RYR1: variants seen among roughly 807,000 people sequenced by gnomAD.
The protein encoded by RYR1 is central core disease of muscle.
RYR1 carries 342 observed loss-of-function variants against 583.5 expected under a neutral mutation model. That is an observed-to-expected ratio of 0.59 (90% CI 0.54 to 0.64). The LOEUF is 0.64. Among genes scored for constraint, RYR1 ranks in the 30% least tolerant of loss-of-function variants. The pLI, the probability that RYR1 is intolerant of heterozygous loss-of-function variation, is 0.00. For missense variants in RYR1, 6,032 were observed against 6,917.2 expected, an observed-to-expected ratio of 0.87 and a Z score of 4.54; for synonymous variants, 2,791 against 2,822.5, an observed-to-expected ratio of 0.99 and a Z score of 0.35.
rs528895929 is a variant in RYR1 at position 38,586,321 on chromosome 19, A to G, written c.14969+130A>G. ...ATGTGGGCAGATTCCCTGCCAGCCAATCAGAAGGTAAGGGTGGGGCCCCGC... is the reference window on the plus strand; with the variant it reads ...ATGTGGGCAGATTCCCTGCCAGCCAGTCAGAAGGTAAGGGTGGGGCCCCGC... On this transcript the variant is annotated intron_variant, in intron 104 of 105. Coordinates refer to ENST00000359596, the MANE Select transcript of RYR1 (RefSeq NM_000540.3). The G allele has an allele frequency of 9.2e-5, 104 of 1,126,468 alleles. No homozygotes were observed. In the African/African-American group the frequency reaches 1.4e-3, roughly 15 times the overall value. The allele number at this position is 1,126,468 out of a possible 1,614,324, so 69.8% of individuals were successfully genotyped here. A position where few individuals can be genotyped will look rare whatever the true frequency, so the allele number is the denominator to read the frequency against.
intron 35 of RYR1, among the ~76,000 whole-genome samples, chr19:38,489,661 C>T (rs953930142): frequency 1.3e-5 from 2 of 152,190 alleles, no homozygotes; most frequent in African/African-American, 4.8e-5. Context: ...CAGAATTTTG[C>T]TCTGTCACCC....
At chr19:38,542,018 A>G (rs1249101029) in intron 84 of RYR1, among the ~76,000 whole-genome samples, 2 of 149,362 alleles carry the variant, frequency 1.3e-5, no homozygotes, top group Admixed American at 1.3e-4. Context: ...GCAGTGAGCT[A>G]TGATCATGCC....
chr19:38,472,850 A>G, intron 27 of RYR1, among the ~76,000 whole-genome samples: 1 of 151,328 alleles, frequency 6.6e-6, no homozygotes, highest in Non-Finnish European at 1.5e-5. Flanking sequence ...AAAAAAAAAA[A>G]AAAAAAAGAA....
Position 38,443,796 on chromosome 19 carries a change from G to C in RYR1, c.424G>C (p.Gly142Arg). Residue 142 changes from glycine to arginine, a missense_variant and splice_region_variant, in exon 5 of 106, where the codon GGA becomes CGA. Physicochemically the swap from Gly to Arg is moderately radical, Grantham distance 125. Coordinates refer to ENST00000359596, the MANE Select transcript of RYR1 (RefSeq NM_000540.3). ...FDVGLQEDATGEACWWTMHPA... is the reference protein window; with the variant it reads ...FDVGLQEDATREACWWTMHPA... ...TGTGGGACTGCAGGAGGACGCAACA[G>C]GTGCAGCAGCTGGAGGGGATGGGGG... is the stretch of plus-strand genomic sequence containing the variant. The C allele has an allele frequency of 6.2e-7, 1 of 1,614,130 alleles. No homozygotes were observed. Among genetic ancestry groups the C allele is most frequent in the Non-Finnish European group, 8.5e-7 (1 of 1,179,986 alleles).
At chr19:38,468,883 T>C in intron 25 of RYR1, 83 bp from the exon 26 acceptor site, 2 of 1,431,680 alleles carry the variant, frequency 1.4e-6, no homozygotes. Context: ...TCTGTCTTCA[T>C]ATATCTCTCC....
intron 1 of RYR1, among the ~76,000 whole-genome samples, chr19:38,439,675 T>G (rs1972583324): frequency 6.6e-6 from 1 of 151,064 alleles, no homozygotes; most frequent in Non-Finnish European, 1.5e-5. Flanking sequence ...CCCCGCTAAT[T>G]TTTGTATTTT....
In RYR1 at chr19:38,504,813, C is replaced by T. The variant is rs1293704566; in HGVS notation, c.8133C>T (p.Pro2711=). The change falls in exon 51 of 106, where the codon CCC becomes CCT. Residue 2711 remains proline (P), a synonymous_variant. Transcript: ENST00000359596. ...TGTGCGCCATTGCCGGGGCTCTGCCCCCCGACTATGTGGATGCCTCATACT... is the reference window on the plus strand; with the variant it reads ...TGTGCGCCATTGCCGGGGCTCTGCCTCCCGACTATGTGGATGCCTCATACT... ...PCLCAIAGAL[P]PDYVDASYSS... 8 of 1,614,044 alleles carry T rather than the reference C, an allele frequency of 5.0e-6. No individual in the cohort carries two copies. The highest frequency in any genetic ancestry group is 2.2e-5 in the South Asian group (2 of 91,092).
At chr19:38,486,364 G>C (rs1348449116) in intron 34 of RYR1, among the ~76,000 whole-genome samples, 162 bp downstream of exon 34, 1 of 150,854 alleles carries the variant, frequency 6.6e-6, no homozygotes, top group East Asian at 2.0e-4. Flanking sequence ...TTATTTTTTC[G>C]AGACGGAGTC....
chr19:38,468,086 ATCC>A (rs1170132449), intron 25 of RYR1, among the ~76,000 whole-genome samples: 17 of 148,026 alleles, frequency 1.1e-4, no homozygotes, highest in Admixed American at 4.1e-4. Flanking sequence ...CCATCCATCC[ATCC>A]ATCCAACCAT....
rs750951875 is a variant in RYR1, at chr19:38,499,646, G to A, written c.7039G>A (p.Glu2347Lys). Residue 2347 changes from glutamate to lysine, a missense_variant, in exon 44 of 106, where the codon GAG becomes AAG. By Grantham distance (56) the Glu-to-Lys change is moderately conservative. Around this residue, in one of 11 missense-constraint regions of RYR1, gnomAD observed 2,627 missense variants for 2,961.3 expected, o/e 0.89. Coordinates refer to ENST00000359596, the MANE Select transcript of RYR1 (RefSeq NM_000540.3). This position sits in a 1 kb window ranked among gnomAD's most constrained non-coding sequence, Gnocchi z 7.3. ...ATGCGGGTGGCCAGGCGAGAGCGTG[G>A]AGGAGAACGCCAATGTGGTGGTGCG... ...FAVFVNGESVEENANVVVRLL... is the reference protein window; with the variant it reads ...FAVFVNGESVKENANVVVRLL... 6.9e-6 allele frequency: 11 copies of A among 1,597,998 alleles called. No individual in the cohort carries two copies. The Admixed American group carries it at 1.7e-4, about 24-fold the overall frequency.
intron 39 of RYR1, among the ~76,000 whole-genome samples, chr19:38,494,848 C>T (rs1022466881): frequency 9.9e-5 from 14 of 141,962 alleles, no homozygotes; most frequent in Non-Finnish European, 1.5e-5. Flanking sequence ...ATTCCCCACC[C>T]CCCCCTTTTT....
rs573322113 is a variant in RYR1, at chr19:38,535,392, G to T, written c.11516G>T (p.Ser3839Ile). 6.2e-7 allele frequency: 1 copy of T among 1,612,940 alleles called. No homozygotes were observed. Among genetic ancestry groups the T allele is most frequent in the African/African-American group, 1.3e-5 (1 of 75,010 alleles). ...QSIQALMQTC[S>I]VLDLNAFERQ... ...ATCCAGGCACTGATGCAAACATGCA[G>T]GTAGGTTCGAGTGGACCTCTTCTTG... Residue 3839 changes from serine (S) to isoleucine (I), a missense_variant and splice_region_variant, in exon 81 of 106, where the codon AGC (serine) becomes ATC (isoleucine). Physicochemically the swap from Ser to Ile is moderately radical, Grantham distance 142. Transcript: ENST00000359596.
rs1453367039 is a variant in RYR1 at position 38,543,415 on chromosome 19, G to T, written c.11758G>T (p.Asp3920Tyr). ...TATTAACATCATCATTTGCACTGTG[G>T]ACTACCTCCTGCGGCTGCAGGTGAG... ...TTINIIICTV[D>Y]YLLRLQESIS... Residue 3920 changes from aspartate to tyrosine, a missense_variant, in exon 85 of 106, where the codon GAC becomes TAC. Around this residue, in one of 11 missense-constraint regions of RYR1, gnomAD observed 1,493 missense variants for 1,715.5 expected, o/e 0.87. Transcript: ENST00000359596. This position sits in a 1 kb window ranked among gnomAD's most constrained non-coding sequence, Gnocchi z 4.4. 1 of 1,614,210 alleles carries T rather than the reference G, an allele frequency of 6.2e-7. No homozygotes were observed.
chr19:38,550,194 G>T (rs1972607585), intron 89 of RYR1, among the ~76,000 whole-genome samples: 1 of 152,074 alleles, frequency 6.6e-6, no homozygotes, highest in South Asian at 2.1e-4. Flanking sequence ...ACCTTATTCA[G>T]TTTCCCTTGT....
Position 38,505,879 on chromosome 19 carries a change from A to T in RYR1, c.8474A>T (p.Lys2825Met). Residue 2825 changes from lysine to methionine, a missense_variant, in exon 54 of 106, where the codon AAG becomes ATG. By Grantham distance (95) the Lys-to-Met change is moderately conservative. Transcript: ENST00000359596. ...AMIAWEWTIE[K>M]AREGEEEKTE... ...ATTGCCTGGGAATGGACGATAGAGA[A>T]GGCCAGGGAGGGTGAGGAGGAGAAG... 1 of 1,614,058 alleles carries T rather than the reference A, an allele frequency of 6.2e-7. No homozygotes were observed. Among genetic ancestry groups the T allele is most frequent in the Non-Finnish European group, 8.5e-7 (1 of 1,179,996 alleles).
At chr19:38,571,907 A>C in intron 94 of RYR1, 112 bp from the exon 95 acceptor site, 1 of 1,508,010 alleles carries the variant, frequency 6.6e-7, no homozygotes, top group African/African-American at 1.4e-5. Context: ...TGACAGCCAC[A>C]CCAAGACTGT....
At chr19:38,460,225 A>C in intron 19 of RYR1, 150 bp from the exon 20 acceptor site, 1 of 730,128 alleles carries the variant, frequency 1.4e-6, no homozygotes, top group East Asian at 2.6e-5. Flanking sequence ...ATGACTTCTA[A>C]ATGACCTCCA....
chr19:38,566,444 G>A (rs1371087044), intron 91 of RYR1, among the ~76,000 whole-genome samples: 15 of 72,292 alleles, frequency 2.1e-4, no homozygotes, highest in African/African-American at 8.0e-4. Context: ...GCGAGACTCT[G>A]TCTCAAAAAA....
chr19:38,542,519 ATATT>A (rs1290104198), intron 84 of RYR1, among the ~76,000 whole-genome samples: 3 of 151,944 alleles, frequency 2.0e-5, no homozygotes, highest in East Asian at 3.9e-4. Context: ...TTATTTTTTT[ATATT>A]TATTTATTTT....
Sources: allele counts gnomAD v4.1 joint callset (sites outside exome capture counted in the v4.1 genomes callset), GRCh38; gene constraint gnomAD v4.1.1; regional missense constraint gnomAD v4.1.1; non-coding constraint Gnocchi (gnomAD v3.1); transcripts MANE v1.5; gene names NCBI Gene and HGNC (gene_info 2026-07-23, HGNC 2026-07-21).